Variants in PEAK1 observed in about 807,000 individuals in gnomAD.
The protein encoded by PEAK1 is pseudopodium enriched atypical kinase 1.
A neutral mutation model predicts 124.7 loss-of-function variants in PEAK1; 54 were observed. The observed-to-expected ratio is 0.43, with a 90% CI of 0.35 to 0.54. PEAK1 has a LOEUF of 0.54. Among genes scored for constraint, PEAK1 ranks in the 20% least tolerant of loss-of-function variants. The pLI is 0.01. For missense variants in PEAK1, 2,046 were observed against 2,134.5 expected, an observed-to-expected ratio of 0.96 and a Z score of 0.82; for synonymous variants, 719 against 760.0, an observed-to-expected ratio of 0.95 and a Z score of 0.89.
chr15:77,363,806 T>C (rs1239427651), intron 2 of PEAK1, among the ~76,000 whole-genome samples: 1 of 152,154 alleles, frequency 6.6e-6, no homozygotes, highest in Non-Finnish European at 1.5e-5. Context: ...GACAACATAT[T>C]GTGCAACTCT....
chr15:77,334,707 ATC>A lies in PEAK1; in HGVS notation c.-603+30454_-603+30455del, dbSNP rs376632913. On this transcript the variant is annotated intron_variant, in intron 2 of 9. Coordinates refer to ENST00000682557, the MANE Select transcript of PEAK1 (RefSeq NM_001385026.1). ...ATTTTTTTAACAATGTGTGTGCTAC[ATC>A]TCTCTCTTTCTGATATTCTTGCTGT... 3.9e-4 allele frequency: 385 copies of A among 985,102 alleles called. 1 individual carries two copies. Among genetic ancestry groups the A allele is most frequent in the East Asian group, 3.7e-3 (33 of 8,812 alleles). The allele number at this position is 985,102 out of a possible 1,614,324, so 61.0% of individuals were successfully genotyped here. A position where few individuals can be genotyped will look rare whatever the true frequency, so the allele number is the denominator to read the frequency against.
intron 9 of PEAK1, among the ~76,000 whole-genome samples, 172 bp from the exon 10 acceptor site, chr15:77,115,491 A>G (rs2051282956): frequency 6.6e-6 from 1 of 151,988 alleles, no homozygotes; most frequent in African/African-American, 2.4e-5. Context: ...ACCATTTCTC[A>G]TGGTTGTCTA....
At chr15:77,355,638 T>C (rs1377040072) in intron 2 of PEAK1, 1 of 426,100 alleles carries the variant, frequency 2.3e-6, no homozygotes, top group Non-Finnish European at 3.1e-6. Context: ...CACCTCTATA[T>C]GGCCCTCTAT....
At chr15:77,417,087 CA>C (rs1303505571) in intron 1 of PEAK1, among the ~76,000 whole-genome samples, 4 of 152,070 alleles carry the variant, frequency 2.6e-5, no homozygotes, top group African/African-American at 9.7e-5. Flanking sequence ...GCATTCTAGA[CA>C]CCCTCCACCC....
intron 8 of PEAK1, among the ~76,000 whole-genome samples, chr15:77,149,405 TA>T (rs2054411146): frequency 6.6e-6 from 1 of 152,244 alleles, no homozygotes; most frequent in South Asian, 2.1e-4. Flanking sequence ...TAAAAGGATC[TA>T]AAGCCATTGC....
At chr15:77,116,225 C>T (rs1451079013) in intron 9 of PEAK1, among the ~76,000 whole-genome samples, 1 of 152,168 alleles carries the variant, frequency 6.6e-6, no homozygotes, top group Non-Finnish European at 1.5e-5. Flanking sequence ...TATAGAGAGG[C>T]TGACCGTGGA....
At chr15:77,366,308 T>C (rs1289384789) in intron 1 of PEAK1, among the ~76,000 whole-genome samples, 1 of 152,058 alleles carries the variant, frequency 6.6e-6, no homozygotes, top group East Asian at 1.9e-4. Context: ...TGGAGTTCAC[T>C]AAATGTCTCT....
chr15:77,393,849 C>T (rs577278103), intron 1 of PEAK1, among the ~76,000 whole-genome samples: 2 of 152,324 alleles, frequency 1.3e-5, no homozygotes, highest in East Asian at 3.9e-4. Flanking sequence ...CAGGCATTGG[C>T]ACTTAGATGG....
intron 8 of PEAK1, among the ~76,000 whole-genome samples, chr15:77,147,574 AAAATGTTC>A (rs990585336): frequency 2.6e-5 from 4 of 152,178 alleles, no homozygotes; most frequent in Admixed American, 2.6e-4. Context: ...AAACACAGGG[AAAATGTTC>A]AAGGTCTGAT....
chr15:77,173,862 T>G (rs902372691), intron 7 of PEAK1, among the ~76,000 whole-genome samples: 1 of 152,218 alleles, frequency 6.6e-6, no homozygotes, highest in Non-Finnish European at 1.5e-5. Flanking sequence ...CTGAGAAGTC[T>G]GCATTAAGCT....
chr15:77,301,519 G>A (rs933676463), intron 2 of PEAK1, among the ~76,000 whole-genome samples: 12 of 152,102 alleles, frequency 7.9e-5, no homozygotes, highest in African/African-American at 2.9e-4. Flanking sequence ...CAGTTCTGAG[G>A]ATTACTGGTC....
At chr15:77,264,089 T>C (rs2061586760) in intron 5 of PEAK1, among the ~76,000 whole-genome samples, 2 of 152,324 alleles carry the variant, frequency 1.3e-5, no homozygotes, top group African/African-American at 2.4e-5. Context: ...AAATTAGGTA[T>C]TGATGGGACG....
Position 77,114,918 on chromosome 15 carries a change from C to T in PEAK1, c.4479G>A (p.Val1493=), listed in dbSNP as rs375820379. The T allele has an allele frequency of 1.5e-5, 24 of 1,613,962 alleles. No individual in the cohort carries two copies. The highest frequency in any genetic ancestry group is 1.5e-5 in the Non-Finnish European group (18 of 1,180,022). ...AGCATAGCTGTAAGAGCAGCAGACA[C>T]ACCTGCCTCTCATACAAATCAGGGC... The part of the protein sequence containing the change: ...GKSPDLYERQ[V]CLLLLQLCSG... The change falls in exon 10 of 10, where the codon GTG becomes GTA. Residue 1493 remains valine, a synonymous_variant. Coordinates refer to ENST00000682557, the MANE Select transcript of PEAK1 (RefSeq NM_001385026.1).
Position 77,181,766 on chromosome 15 carries a change from C to A in PEAK1, c.161G>T (p.Arg54Leu), listed in dbSNP as rs757569539. 2.5e-6 allele frequency: 4 copies of A among 1,614,036 alleles called. No homozygotes were observed. The highest frequency in any genetic ancestry group is 1.1e-5 in the South Asian group (1 of 91,070). Residue 54 changes from arginine to leucine, a missense_variant, in exon 7 of 10, where the codon CGC becomes CTC. Physicochemically the swap from Arg to Leu is moderately radical, Grantham distance 102. Transcript: ENST00000682557. The part of the protein sequence containing the change: ...KTNANHSNNH[R>L]IRNTGNFRPP... ...CCGGAAATTGCCCGTGTTCCTGATG[C>A]GGTGGTTGTTACTGTGATTGGCATT... is the stretch of plus-strand genomic sequence containing the variant.
chr15:77,376,725 G>C (rs2069058171), intron 1 of PEAK1, among the ~76,000 whole-genome samples: 1 of 152,136 alleles, frequency 6.6e-6, no homozygotes, highest in Non-Finnish European at 1.5e-5. Flanking sequence ...ATATTTTATA[G>C]TGCAAATATA....
Position 77,180,553 on chromosome 15 carries a change from T to C in PEAK1, c.1374A>G (p.Gln458=), listed in dbSNP as rs752715836. 1 of 1,614,146 alleles carries C rather than the reference T, an allele frequency of 6.2e-7. No individual in the cohort carries two copies. Among genetic ancestry groups the C allele is most frequent in the East Asian group, 2.2e-5 (1 of 44,884 alleles). ...VTINLVPTEE[Q]AKPYRVVNLE... is the part of the protein sequence containing the mutation. ...GGTTCACAACTCGGTAAGGTTTTGC[T>C]TGCTCTTCTGTGGGGACAAGGTTTA... The change falls in exon 7 of 10, where the codon CAA becomes CAG. Residue 458 remains glutamine (Q), a synonymous_variant. Coordinates refer to ENST00000682557, the MANE Select transcript of PEAK1 (RefSeq NM_001385026.1).
In PEAK1 at chr15:77,313,742, T is replaced by A. The variant is rs192983666; in HGVS notation, c.-602-27238A>T. 8.8e-3 allele frequency among the ~76,000 whole-genome samples: 993 copies of A among 112,960 alleles called. 14 individuals carry two copies. Among genetic ancestry groups the A allele is most frequent in the African/African-American group, 0.021 (562 of 27,200 alleles). The allele number at this position is 112,960 out of a possible 152,430, so 74.1% of individuals were successfully genotyped here. ...TGTGTGTGTGTATATATATATATAT[T>A]TATTTATTTATTTATTTTTAGTAGA... On this transcript the variant is annotated intron_variant, in intron 2 of 9. Coordinates refer to ENST00000682557, the MANE Select transcript of PEAK1 (RefSeq NM_001385026.1).
intron 6 of PEAK1, among the ~76,000 whole-genome samples, chr15:77,200,930 T>C (rs987188160): frequency 2.0e-5 from 3 of 152,026 alleles, no homozygotes; most frequent in Admixed American, 6.6e-5. Flanking sequence ...CATATACATA[T>C]AGACTCATAC....
intron 1 of PEAK1, among the ~76,000 whole-genome samples, chr15:77,408,024 T>C (rs113425425): frequency 0.01 from 1,574 of 151,068 alleles, 33 homozygotes; most frequent in African/African-American, 0.036. Flanking sequence ...TACACATATA[T>C]ACACACATAT....
Sources: gnomAD v4.1 joint callset for allele counts (sites outside exome capture counted in the v4.1 genomes callset) on GRCh38, gnomAD v4.1.1 for gene constraint, MANE v1.5 for transcripts, NCBI Gene and HGNC (gene_info 2026-07-23, HGNC 2026-07-21) for gene names.